The following PDZD2 variants were observed in gnomAD, a reference collection of about 807,000 sequenced individuals.
PDZD2 encodes the protein PDZ domain-containing protein 2.
In PDZD2, 90 loss-of-function variants were observed where a neutral mutation model predicts 220.7. That is an observed-to-expected ratio of 0.41 (90% CI 0.34 to 0.49). The LOEUF is 0.49. Among genes scored for constraint, PDZD2 ranks in the 20% least tolerant of loss-of-function variants. PDZD2 has a pLI of 0.28. For missense variants in PDZD2, 3,174 were observed against 3,608.5 expected, an observed-to-expected ratio of 0.88 and a Z score of 3.08; for synonymous variants, 1,375 against 1,450.5, an observed-to-expected ratio of 0.95 and a Z score of 1.18.
chr5:32,034,635 C>G (rs145002216), intron 6 of PDZD2, among the ~76,000 whole-genome samples: 4 of 152,120 alleles, frequency 2.6e-5, no homozygotes, highest in African/African-American at 9.7e-5. Context: ...TGATTACAGA[C>G]GTGAGCCATC....
chr5:31,944,848 G>T (rs1355350626), intron 2 of PDZD2, among the ~76,000 whole-genome samples: 2 of 152,232 alleles, frequency 1.3e-5, no homozygotes, highest in Non-Finnish European at 2.9e-5. Flanking sequence ...TGCACCAGGT[G>T]AGCTGTGAGC....
At chr5:31,821,387 A>ATT (rs11388695) in intron 2 of PDZD2, among the ~76,000 whole-genome samples, 19 of 92,568 alleles carry the variant, frequency 2.1e-4, no homozygotes, top group Admixed American at 5.5e-4. Context: ...TATTATTATT[A>ATT]TTTTTTTTTT....
At chr5:31,995,482 T>A in intron 3 of PDZD2, 94 bp from the exon 4 acceptor site, 1 of 1,262,656 alleles carries the variant, frequency 7.9e-7, no homozygotes, top group Non-Finnish European at 1.2e-6. Context: ...GGACAAGTGA[T>A]GGATATTCGG....
chr5:31,702,759 T>A (rs1747659146), intron 1 of PDZD2, among the ~76,000 whole-genome samples: 1 of 152,254 alleles, frequency 6.6e-6, no homozygotes, highest in African/African-American at 2.4e-5. Context: ...CATTTGAGAC[T>A]CAGAGTCGAA....
chr5:31,647,529 G>A (rs1373268326), intron 1 of PDZD2, among the ~76,000 whole-genome samples: 1 of 152,132 alleles, frequency 6.6e-6, no homozygotes, highest in Non-Finnish European at 1.5e-5. Context: ...TGGGAGCTGT[G>A]GACATTCCTT....
intron 2 of PDZD2, among the ~76,000 whole-genome samples, chr5:31,810,176 G>A (rs567889584): frequency 6.6e-6 from 1 of 151,858 alleles, no homozygotes; most frequent in African/African-American, 2.4e-5. Context: ...TTTTCTGTCC[G>A]GGTACTAAAT....
intron 2 of PDZD2, among the ~76,000 whole-genome samples, chr5:31,925,345 CAAAAA>C (rs371684713): frequency 6.7e-6 from 1 of 148,440 alleles, no homozygotes; most frequent in Admixed American, 6.7e-5. Flanking sequence ...ACAAAGTTAA[CAAAAA>C]AAAAATGAGG....
rs529536386 is a variant in PDZD2, at chr5:31,995,345, G to A, written c.979-231G>A. Among the ~76,000 whole-genome samples, 45 of 152,258 alleles carry A rather than the reference G, an allele frequency of 3.0e-4. No individual in the cohort carries two copies. The South Asian group carries it at 9.1e-3, about 31-fold the overall frequency. On this transcript the variant is annotated intron_variant, in intron 3 of 24. Coordinates refer to ENST00000438447, the MANE Select transcript of PDZD2 (RefSeq NM_178140.4). The stretch of plus-strand genomic sequence containing the variant: ...ATAGCCACCTGTGGCTGGTGGCTCC[G>A]TCTTGGATGGCTCAAATATAGAACA...
At chr5:31,846,768 G>C (rs1757608090) in intron 2 of PDZD2, among the ~76,000 whole-genome samples, 1 of 152,026 alleles carries the variant, frequency 6.6e-6, no homozygotes, top group Non-Finnish European at 1.5e-5. Context: ...GTGGAGAGCT[G>C]GTGGCCCTGG....
chr5:31,840,306 A>G (rs974615484), intron 2 of PDZD2, among the ~76,000 whole-genome samples: 2 of 150,184 alleles, frequency 1.3e-5, no homozygotes, highest in Non-Finnish European at 3.0e-5. Context: ...ACTGGGGGGG[A>G]AGAAACCTGA....
At chr5:31,853,564 T>C (rs1758184549) in intron 2 of PDZD2, among the ~76,000 whole-genome samples, 1 of 152,200 alleles carries the variant, frequency 6.6e-6, no homozygotes, top group Admixed American at 6.5e-5. Context: ...GTGGGCAGAT[T>C]TCCAGCCCAG....
intron 2 of PDZD2, among the ~76,000 whole-genome samples, chr5:31,970,024 G>A (rs555488942): frequency 4.6e-5 from 7 of 151,930 alleles, no homozygotes; most frequent in Non-Finnish European, 8.8e-5. Flanking sequence ...TCAGCCTCCC[G>A]AGTAGCTGGG....
At chr5:31,944,129 T>A (rs931121625) in intron 2 of PDZD2, among the ~76,000 whole-genome samples, 4 of 152,234 alleles carry the variant, frequency 2.6e-5, no homozygotes, top group African/African-American at 9.6e-5. Flanking sequence ...GGGTATTGTT[T>A]TTCCAGATAA....
chr5:31,933,358 C>A (rs1016223204), intron 2 of PDZD2, among the ~76,000 whole-genome samples: 6 of 152,052 alleles, frequency 3.9e-5, no homozygotes, highest in Non-Finnish European at 8.8e-5. Context: ...TGGCTTCCAC[C>A]TTTTGGTTAT....
intron 2 of PDZD2, among the ~76,000 whole-genome samples, chr5:31,831,613 T>A (rs1171308756): frequency 2.6e-5 from 4 of 151,934 alleles, no homozygotes; most frequent in African/African-American, 9.7e-5. Context: ...CTGGGCATGG[T>A]GGTGTGTGCC....
intron 1 of PDZD2, among the ~76,000 whole-genome samples, chr5:31,755,176 G>A (rs1230839805): frequency 6.6e-6 from 1 of 150,798 alleles, no homozygotes; most frequent in African/African-American, 2.4e-5. Context: ...CTCAGAACTC[G>A]TGGTCTGGTT....
rs572026693 is a variant in PDZD2 at position 32,052,547 on chromosome 5, C to T, written c.1666-64C>T. ...ATTTTCAAAGTCTGAGTGTATTTTT[C>T]TGCCAGATACCACAATAGAACAAAT... On this transcript the variant is annotated intron_variant, in intron 8 of 24. Coordinates refer to ENST00000438447, the MANE Select transcript of PDZD2 (RefSeq NM_178140.4). 3.6e-5 allele frequency: 53 copies of T among 1,485,648 alleles called. No homozygotes were observed. In the East Asian group the frequency reaches 1.1e-3, roughly 31 times the overall value. The allele number at this position is 1,485,648 out of a possible 1,614,324, so 92.0% of individuals were successfully genotyped here. A position where few individuals can be genotyped will look rare whatever the true frequency, so the allele number is the denominator to read the frequency against.
intron 1 of PDZD2, among the ~76,000 whole-genome samples, chr5:31,689,803 G>T (rs949694956): frequency 6.6e-6 from 1 of 152,092 alleles, no homozygotes; most frequent in African/African-American, 2.4e-5. Context: ...TGTGAATCCA[G>T]TTTCCCATAA....
intron 6 of PDZD2, among the ~76,000 whole-genome samples, chr5:32,027,609 C>G (rs1754773441): frequency 1.3e-5 from 2 of 152,204 alleles, no homozygotes; most frequent in South Asian, 4.1e-4. Context: ...TGTACCAGAG[C>G]ACGCCCAGGG....
Sources: gnomAD v4.1 joint callset for allele counts (sites outside exome capture counted in the v4.1 genomes callset) on GRCh38, gnomAD v4.1.1 for gene constraint, MANE v1.5 for transcripts, NCBI Gene and HGNC (gene_info 2026-07-23, HGNC 2026-07-21) for gene names.